THOC5: variants seen among roughly 807,000 people sequenced by gnomAD.
THOC5 encodes the protein Fms-interacting protein.
In THOC5, 43 loss-of-function variants were observed where a neutral mutation model predicts 92.9. The ratio of observed to expected loss-of-function variants is 0.46; its 90% CI spans 0.36 to 0.60. The LOEUF is 0.60. Ranked by LOEUF, THOC5 falls within the 20% of genes least tolerant of loss-of-function variation. The probability of loss-of-function intolerance (pLI) is 0.00; values close to 1 mark genes in which losing one functional copy is unlikely to be tolerated. For synonymous variants in THOC5, 296 were observed against 320.1 expected (o/e 0.92, Z 0.80); for missense variants, 659 against 849.4 (o/e 0.78, Z 2.79).
Position 29,511,302 on chromosome 22 carries a change from T to C in THOC5, c.1798-6A>G. 1 of 1,607,548 alleles carries C rather than the reference T, an allele frequency of 6.2e-7. No individual in the cohort carries two copies. The highest frequency in any genetic ancestry group is 8.5e-7 in the Non-Finnish European group (1 of 1,177,296). On this transcript the variant is annotated splice_polypyrimidine_tract_variant and splice_region_variant and intron_variant, in intron 18 of 19. Coordinates refer to ENST00000490103, the MANE Select transcript of THOC5 (RefSeq NM_003678.5). ...TTGACTTCGCCCTCCATGGCCTGTG[T>C]GATAGGAAAGCCAGCATCTCAGCAC...
At chr22:29,540,187 G>A (rs1293968971) in intron 5 of THOC5, among the ~76,000 whole-genome samples, 5 of 152,082 alleles carry the variant, frequency 3.3e-5, no homozygotes, top group Admixed American at 1.3e-4. Context: ...CAGGAGAATC[G>A]CTCGAACCCA....
chr22:29,527,001 A>T (rs560297918), intron 11 of THOC5, among the ~76,000 whole-genome samples: 1 of 152,228 alleles, frequency 6.6e-6, no homozygotes, highest in African/African-American at 2.4e-5. Context: ...TATTGGGCCA[A>T]TGAAATTAAG....
At chr22:29,513,647 C>T (rs970315532) in intron 17 of THOC5, among the ~76,000 whole-genome samples, 1 of 151,940 alleles carries the variant, frequency 6.6e-6, no homozygotes, top group Non-Finnish European at 1.5e-5. Context: ...TGAGATCATG[C>T]CACTGTACTC....
intron 7 of THOC5, 42 bp downstream of exon 7, chr22:29,536,582 T>C (rs779971775): frequency 6.7e-6 from 8 of 1,202,388 alleles, no homozygotes; most frequent in South Asian, 2.4e-5. Context: ...TGGCAGCGCC[T>C]GGTCAGTGGT....
rs372902253 is a variant in THOC5, at chr22:29,515,051, G to GTTT, written c.1681+1975_1681+1977dup. On this transcript the variant is annotated intron_variant, in intron 17 of 19. Transcript: ENST00000490103. ...GGTATATATATTGTTTTTTGTTGTTGTTTTTTTTGAAAGAGAGTCTTGCTC... is the reference window on the plus strand; with the variant it reads ...GGTATATATATTGTTTTTTGTTGTTGTTTTTTTTTTTGAAAGAGAGTCTTGCTC... 2.0e-4 allele frequency among the ~76,000 whole-genome samples: 30 copies of GTTT among 146,744 alleles called. No homozygotes were observed. The East Asian group carries it at 6.2e-3, about 31-fold the overall frequency.
chr22:29,514,441 C>T (rs1264368680), intron 17 of THOC5, among the ~76,000 whole-genome samples: 3 of 151,088 alleles, frequency 2.0e-5, no homozygotes, highest in African/African-American at 4.9e-5. Flanking sequence ...CTCACCCTCC[C>T]GAGTAGCTGG....
chr22:29,548,145 G>A (rs2146567566), intron 2 of THOC5, among the ~76,000 whole-genome samples: 1 of 152,210 alleles, frequency 6.6e-6, no homozygotes, highest in South Asian at 2.1e-4. Flanking sequence ...ACAACACATG[G>A]CAATTCTGGG....
intron 5 of THOC5, 70 bp from the exon 6 acceptor site, chr22:29,539,546 G>A (rs1454496154): frequency 6.5e-7 from 1 of 1,539,122 alleles, no homozygotes; most frequent in Non-Finnish European, 8.8e-7. Context: ...CAGGCCCAAA[G>A]TTATCCCCAA....
At chr22:29,542,100 G>A (rs1054287451) in intron 5 of THOC5, among the ~76,000 whole-genome samples, 9 of 151,720 alleles carry the variant, frequency 5.9e-5, no homozygotes, top group Non-Finnish European at 1.2e-4. Flanking sequence ...CTGACAAACT[G>A]TAGTTTCTTC....
chr22:29,539,655 G>C (rs2063837936), intron 5 of THOC5, among the ~76,000 whole-genome samples, 179 bp from the exon 6 acceptor site: 1 of 152,180 alleles, frequency 6.6e-6, no homozygotes, highest in Non-Finnish European at 1.5e-5. Flanking sequence ...GGTAGTTGGT[G>C]ACATGCCATA....
At chr22:29,520,921 G>C in intron 13 of THOC5, 77 bp downstream of exon 13, 1 of 1,115,148 alleles carries the variant, frequency 9.0e-7, no homozygotes, top group Admixed American at 1.7e-5. Context: ...GGCCCTAACA[G>C]GTCTCCAGCA....
intron 8 of THOC5, chr22:29,531,080 T>C (rs1456730502): frequency 2.1e-5 from 24 of 1,128,890 alleles, no homozygotes; most frequent in Non-Finnish European, 2.7e-5. Flanking sequence ...TTACTCACCC[T>C]GTCTAGGGGG....
intron 6 of THOC5, 109 bp downstream of exon 6, chr22:29,539,221 G>T (rs529068460): frequency 8.8e-7 from 1 of 1,140,384 alleles, no homozygotes; most frequent in Non-Finnish European, 1.3e-6. Flanking sequence ...AATGGGATTT[G>T]GTCTTAGAAA....
At chr22:29,543,347 CAAAAA>C (rs59948387) in intron 4 of THOC5, 77 bp downstream of exon 4, 2,324 of 463,134 alleles carry the variant, frequency 5.0e-3, no homozygotes, top group East Asian at 9.8e-3. Context: ...GACTCTGTCT[CAAAAA>C]AAAAAAAAAA....
chr22:29,532,000 T>C (rs2063665682), intron 7 of THOC5, 37 bp from the exon 8 acceptor site: 3 of 1,609,144 alleles, frequency 1.9e-6, no homozygotes, highest in African/African-American at 1.3e-5. Flanking sequence ...CTTCCTTTTT[T>C]AGCCAGTCCA....
intron 11 of THOC5, 58 bp downstream of exon 11, chr22:29,528,020 C>A: frequency 6.4e-7 from 1 of 1,554,666 alleles, no homozygotes; most frequent in South Asian, 1.1e-5. Context: ...TCTGCACCTG[C>A]AGCTGGGTGA....
chr22:29,519,477 C>T (rs533944910), intron 14 of THOC5, among the ~76,000 whole-genome samples: 1 of 152,296 alleles, frequency 6.6e-6, no homozygotes, highest in South Asian at 2.1e-4. Context: ...ACTCAAGTTG[C>T]CTGGGTCTAA....
rs557055091 is a variant in THOC5, at chr22:29,521,633, C to G, written c.1176-534G>C. Among the ~76,000 whole-genome samples the G allele has an allele frequency of 9.9e-5, 15 of 152,252 alleles. 1 individual carries two copies. The South Asian group carries it at 2.5e-3, about 25-fold the overall frequency. ...TTATGCTCATCACAGGAAAAGGCCC[C>G]CTGTATGTTCCCAGAAAAAGATACA... On this transcript the variant is annotated intron_variant, in intron 12 of 19. Coordinates refer to ENST00000490103, the MANE Select transcript of THOC5 (RefSeq NM_003678.5).
In THOC5 at chr22:29,525,934, A is replaced by G; in HGVS notation, c.1079T>C (p.Leu360Pro). The change falls in exon 12 of 20, where the codon CTT becomes CCT. Residue 360 changes from leucine to proline, a missense_variant. Physicochemically the swap from Leu to Pro is moderately conservative, Grantham distance 98. Transcript: ENST00000490103. ...CATGAGGTAGTAGAAAGTCAGGTGAAGCACACTGTCATCTGGAGGGGAGGA... is the reference window on the plus strand; with the variant it reads ...CATGAGGTAGTAGAAAGTCAGGTGAGGCACACTGTCATCTGGAGGGGAGGA... The part of the protein sequence containing the change: ...LDLKCKDDSV[L>P]HLTFYYLMNL... The G allele has an allele frequency of 6.2e-7, 1 of 1,613,166 alleles. No individual in the cohort carries two copies. Among genetic ancestry groups the G allele is most frequent in the Non-Finnish European group, 8.5e-7 (1 of 1,179,360 alleles).
Sources: allele counts gnomAD v4.1 joint callset (sites outside exome capture counted in the v4.1 genomes callset), GRCh38; gene constraint gnomAD v4.1.1; transcripts MANE v1.5; gene names NCBI Gene and HGNC (gene_info 2026-07-23, HGNC 2026-07-21).